ECHDC2: variants seen among roughly 807,000 people sequenced by gnomAD.
ECHDC2 encodes the protein enoyl-CoA hydratase domain-containing protein 2, mitochondrial.
In ECHDC2, 34 loss-of-function variants were observed where a neutral mutation model predicts 40.6. The observed-to-expected ratio is 0.84, with a 90% CI of 0.64 to 1.11. The LOEUF is 1.11. Ranked by LOEUF, ECHDC2 falls within the 50% of genes most tolerant of loss-of-function variation. ECHDC2 has a pLI of 0.00. For missense variants in ECHDC2, 392 were observed against 400.7 expected (o/e 0.98, Z 0.19); for synonymous variants, 162 against 166.6 (o/e 0.97, Z 0.21).
rs567838083 is a variant in ECHDC2 at position 52,906,599 on chromosome 1, G to A, written c.377C>T (p.Ala126Val). Residue 126 changes from alanine (A) to valine (V), a missense_variant, in exon 5 of 10, where the codon GCA becomes GTA. Transcript: ENST00000371522. ...GLMNDIAAFP[A>V]PTIAAMDGFA... ...CCCATCCATAGCCGCAATGGTGGGT[G>A]CAGGGAAGGCTGCTGTGGAGAGGAA... is the stretch of plus-strand genomic sequence containing the variant. 391 of 1,610,408 alleles carry A rather than the reference G, an allele frequency of 2.4e-4. No homozygotes were observed. Among genetic ancestry groups the A allele is most frequent in the Non-Finnish European group, 3.1e-4 (369 of 1,178,314 alleles).
intron 1 of ECHDC2, among the ~76,000 whole-genome samples, chr1:52,918,238 T>C (rs1175461562): frequency 6.6e-6 from 1 of 152,064 alleles, no homozygotes; most frequent in Non-Finnish European, 1.5e-5. Context: ...TTTCCCAGGC[T>C]GGTCTCAAAC....
intron 1 of ECHDC2, chr1:52,912,802 C>G (rs1048262860): frequency 2.0e-5 from 3 of 152,252 alleles, no homozygotes; most frequent in Non-Finnish European, 4.4e-5. Flanking sequence ...ATTCTCCTGC[C>G]TCAGCCTCCG....
rs1159425869 is a variant in ECHDC2, at chr1:52,921,608, G to C, written c.66C>G (p.Asp22Glu). ...RPLRARGCAS[D>E]GAAGGSEIQV... ...GGATCTCTGAGCCCCCGGCCGCCCC[G>C]TCGGAAGCGCAGCCGCGGGCCCGAA... Residue 22 changes from aspartate to glutamate, a missense_variant, in exon 1 of 10, where the codon GAC becomes GAG. Asp to Glu is a conservative substitution (Grantham distance 45). Transcript: ENST00000371522. 1.2e-6 allele frequency: 2 copies of C among 1,602,744 alleles called. No individual in the cohort carries two copies. Among genetic ancestry groups the C allele is most frequent in the Non-Finnish European group, 1.7e-6 (2 of 1,175,570 alleles).
chr1:52,898,992 AATACTGTCTG>A (rs1646813617), intron 8 of ECHDC2, 172 bp downstream of exon 8: 2 of 697,330 alleles, frequency 2.9e-6, no homozygotes, highest in African/African-American at 1.8e-5. Context: ...TGTAAACAAT[AATACTGTCTG>A]GCCAATTTGC....
chr1:52,903,859 G>A (rs1178042029), intron 7 of ECHDC2, among the ~76,000 whole-genome samples: 1 of 145,580 alleles, frequency 6.9e-6, no homozygotes, highest in African/African-American at 2.6e-5. Flanking sequence ...TCGTCCTGTC[G>A]CCCAGTGGAG....
intron 8 of ECHDC2, chr1:52,898,916 C>A: frequency 1.8e-6 from 1 of 551,762 alleles, no homozygotes. Flanking sequence ...AGACCTTGGG[C>A]AAATCATTTA....
intron 8 of ECHDC2, 36 bp from the exon 9 acceptor site, chr1:52,897,520 C>A: frequency 6.2e-7 from 1 of 1,612,150 alleles, no homozygotes; most frequent in Non-Finnish European, 8.5e-7. Context: ...TTGGTCTGAC[C>A]TTGTCCATCT....
chr1:52,918,472 T>A (rs1175369166), intron 1 of ECHDC2, among the ~76,000 whole-genome samples: 1 of 152,078 alleles, frequency 6.6e-6, no homozygotes, highest in Non-Finnish European at 1.5e-5. Context: ...ATGCACGTTA[T>A]CGCCCCTGAA....
rs551837252 is a variant in ECHDC2 at position 52,896,402 on chromosome 1, T to C, written c.*118A>G. 8.3e-6 allele frequency: 7 copies of C among 845,652 alleles called. No homozygotes were observed. The South Asian group carries it at 9.8e-5, about 12-fold the overall frequency. 52.4% of individuals were successfully genotyped at this position (845,652 alleles called of 1,614,324 possible). On this transcript the variant is annotated 3_prime_UTR_variant, in exon 10 of 10. Coordinates refer to ENST00000371522, the MANE Select transcript of ECHDC2 (RefSeq NM_001198961.2). ...AGTCATTTTATTTCCATCATCATCC[T>C]TGTGAAGAAATGGAAGTCTGGAGAG...
chr1:52,906,856 C>T (rs1317966199), intron 4 of ECHDC2, among the ~76,000 whole-genome samples: 1 of 151,162 alleles, frequency 6.6e-6, no homozygotes, highest in Non-Finnish European at 1.5e-5. Flanking sequence ...CCTCTGCCTC[C>T]CAGGTTCAAG....
intron 4 of ECHDC2, chr1:52,907,597 T>C (rs1206993683): frequency 7.3e-6 from 3 of 412,702 alleles, no homozygotes. Flanking sequence ...TTGTCAAAAC[T>C]TGAAAGCATG....
chr1:52,913,934 T>C, intron 1 of ECHDC2: 1 of 1,166,526 alleles, frequency 8.6e-7, no homozygotes, highest in Non-Finnish European at 1.1e-6. Flanking sequence ...CTGCTTCTCT[T>C]CTGCCCAATT....
intron 1 of ECHDC2, among the ~76,000 whole-genome samples, chr1:52,918,358 TAAAAAAA>T (rs536606545): frequency 1.6e-5 from 2 of 124,556 alleles, no homozygotes; most frequent in South Asian, 2.5e-4. Flanking sequence ...TCCTACTTAT[TAAAAAAA>T]AAAAAAAAAA....
At chr1:52,906,172 C>A (rs1220261328) in intron 5 of ECHDC2, 14 of 374,332 alleles carry the variant, frequency 3.7e-5, no homozygotes, top group South Asian at 2.9e-4. Flanking sequence ...CTGAGGCTCA[C>A]CTTTTTCCGA....
At chr1:52,917,033 A>T (rs1333428862) in intron 1 of ECHDC2, among the ~76,000 whole-genome samples, 1 of 152,050 alleles carries the variant, frequency 6.6e-6, no homozygotes, top group Non-Finnish European at 1.5e-5. Flanking sequence ...CACCAGCCTG[A>T]CCAACATGGT....
chr1:52,921,051 A>AACAGCG (rs939635016), intron 1 of ECHDC2, among the ~76,000 whole-genome samples: 56 of 152,358 alleles, frequency 3.7e-4, no homozygotes, highest in African/African-American at 1.3e-3. Context: ...AAGGCGGAGA[A>AACAGCG]ACAGCGAACT....
At chr1:52,900,198 C>T (rs1646902301) in intron 7 of ECHDC2, 1 of 152,172 alleles carries the variant, frequency 6.6e-6, no homozygotes, top group East Asian at 1.9e-4. Flanking sequence ...GTACTGTGCC[C>T]TTTCACCTCA....
intron 8 of ECHDC2, chr1:52,898,958 C>A: frequency 4.7e-6 from 3 of 632,314 alleles, no homozygotes; most frequent in East Asian, 5.6e-5. Flanking sequence ...ATCCTCTCTC[C>A]AAGGGAGAAA....
At chr1:52,911,914 CT>C in intron 1 of ECHDC2, 124 bp from the exon 2 acceptor site, 1 of 1,501,772 alleles carries the variant, frequency 6.7e-7, no homozygotes, top group Non-Finnish European at 8.9e-7. Flanking sequence ...ACCAGAGTGA[CT>C]TGCCACAAGT....
Sources: allele counts gnomAD v4.1 joint callset (sites outside exome capture counted in the v4.1 genomes callset), GRCh38; gene constraint gnomAD v4.1.1; transcripts MANE v1.5; gene names NCBI Gene and HGNC (gene_info 2026-07-23, HGNC 2026-07-21).